GALNT9: variants seen among roughly 807,000 people sequenced by gnomAD.
GALNT9 encodes the protein polypeptide N-acetylgalactosaminyltransferase 9.
GALNT9 carries 47 observed loss-of-function variants against 63.1 expected under a neutral mutation model. That is an observed-to-expected ratio of 0.75 (90% CI 0.59 to 0.95). The LOEUF is 0.95. Ranked by LOEUF, GALNT9 falls within the 40% of genes least tolerant of loss-of-function variation. The pLI, the probability that GALNT9 is intolerant of heterozygous loss-of-function variation, is 0.00. For synonymous variants in GALNT9, 396 were observed against 365.7 expected, an observed-to-expected ratio of 1.08 and a Z score of -0.94; for missense variants, 829 against 874.8, an observed-to-expected ratio of 0.95 and a Z score of 0.66.
chr12:132,199,076 C>T (rs934198423), intron 9 of GALNT9, 98 bp downstream of exon 9: 8 of 778,262 alleles, frequency 1.0e-5, no homozygotes, highest in Non-Finnish European at 1.7e-5. Context: ...CAGAACACCC[C>T]AGCAGGCTGG....
rs1187587795 is a variant in GALNT9, at chr12:132,236,996, G to A, written c.1077+10914C>T. Among the ~76,000 whole-genome samples, 3 of 152,076 alleles carry A rather than the reference G, an allele frequency of 2.0e-5. No homozygotes were observed. The highest frequency in any genetic ancestry group is 3.9e-4 in the East Asian group (2 of 5,194). The stretch of plus-strand genomic sequence containing the variant: ...TAACCCTCGTATCCTGGATCTCTCC[G>A]GGTGCTCCATGGCCCATGGGATTCC... On this transcript the variant is annotated intron_variant, in intron 6 of 10. Transcript: ENST00000328957. The surrounding 1 kb of genome is among the most constrained non-coding windows in gnomAD (Gnocchi z 5.6).
chr12:132,224,610 T>A (rs1877572279), intron 6 of GALNT9, among the ~76,000 whole-genome samples: 6 of 33,208 alleles, frequency 1.8e-4, no homozygotes, highest in South Asian at 9.2e-4. Flanking sequence ...CCCACAAACA[T>A]ACACCCCATA....
intron 1 of GALNT9, among the ~76,000 whole-genome samples, chr12:132,318,851 G>A (rs1433812970): frequency 6.6e-6 from 1 of 152,252 alleles, no homozygotes; most frequent in African/African-American, 2.4e-5. Context: ...GTCCCACAGG[G>A]CACTCCTCCC....
Position 132,272,330 on chromosome 12 carries a change from G to A in GALNT9, c.420-9705C>T, listed in dbSNP as rs28670947. Reference sequence around the variant, plus strand: ...GGCAGGTGCTCCTTGGCATTCTGACGGTGGCTCCACACAGGCCCTCCACGA... The same window carrying A: ...GGCAGGTGCTCCTTGGCATTCTGACAGTGGCTCCACACAGGCCCTCCACGA... On this transcript the variant is annotated intron_variant, in intron 2 of 10. Coordinates refer to ENST00000328957, the MANE Select transcript of GALNT9 (RefSeq NM_001122636.2). 8.4e-3 allele frequency among the ~76,000 whole-genome samples: 1,274 copies of A among 152,306 alleles called. 22 individuals are homozygous for A. The highest frequency in any genetic ancestry group is 0.029 in the African/African-American group (1,218 of 41,544).
At chr12:132,269,137 C>T (rs1437627410) in intron 2 of GALNT9, among the ~76,000 whole-genome samples, 1 of 152,210 alleles carries the variant, frequency 6.6e-6, no homozygotes, top group Non-Finnish European at 1.5e-5. Flanking sequence ...CGCAAAGGCA[C>T]AGAGGGTGGG....
rs190425862 is a variant in GALNT9, at chr12:132,198,747, G to A, written c.1497+427C>T. On this transcript the variant is annotated intron_variant, in intron 9 of 10. Transcript: ENST00000328957. ...TCTCAGCTCAACCTCCGCATCCCAGGCTCAGGTGATCCTCCTGCCTCAGCC... is the reference window on the plus strand; with the variant it reads ...TCTCAGCTCAACCTCCGCATCCCAGACTCAGGTGATCCTCCTGCCTCAGCC... Among the ~76,000 whole-genome samples, 761 of 152,222 alleles carry A rather than the reference G, an allele frequency of 5.0e-3. 7 individuals are homozygous for A. Among genetic ancestry groups the A allele is most frequent in the African/African-American group, 0.017 (725 of 41,526 alleles).
chr12:132,211,801 C>G (rs1175103823), intron 6 of GALNT9, among the ~76,000 whole-genome samples: 3 of 152,250 alleles, frequency 2.0e-5, no homozygotes, highest in Non-Finnish European at 4.4e-5. Context: ...GTCACCCAGC[C>G]AGCACCTGAG....
chr12:132,240,265 C>T (rs139040534), intron 6 of GALNT9, among the ~76,000 whole-genome samples: 1,557 of 152,232 alleles, frequency 0.01, 10 homozygotes, highest in Non-Finnish European at 0.016. Context: ...AGTCAGGCGC[C>T]GCCATCGGGC....
chr12:132,288,077 C>G (rs28551078), intron 1 of GALNT9, among the ~76,000 whole-genome samples: 5,781 of 152,302 alleles, frequency 0.038, 364 homozygotes, highest in African/African-American at 0.13. Flanking sequence ...TATCCCACAA[C>G]TGCCCGCCTG....
chr12:132,247,310 C>G (rs2135534254), intron 6 of GALNT9: 1 of 340,204 alleles, frequency 2.9e-6, no homozygotes, highest in South Asian at 2.2e-5. Flanking sequence ...GGGGGCAATT[C>G]ATAAACAGCA....
chr12:132,241,711 C>A (rs1285534525), intron 6 of GALNT9, among the ~76,000 whole-genome samples: 234 of 9,146 alleles, frequency 0.026, no homozygotes, highest in Non-Finnish European at 0.063. Context: ...CAACACACAC[C>A]CTTCCCGGGG....
intron 1 of GALNT9, among the ~76,000 whole-genome samples, chr12:132,302,819 C>G (rs915884783): frequency 6.6e-6 from 1 of 151,730 alleles, no homozygotes; most frequent in Non-Finnish European, 1.5e-5. Context: ...GGGGACGGGA[C>G]GGGGTGGGAG....
Position 132,303,974 on chromosome 12 carries a change from G to A in GALNT9, c.239-17544C>T, listed in dbSNP as rs181321361. On this transcript the variant is annotated intron_variant, in intron 1 of 10. Transcript: ENST00000328957. ...ACCCTCACCTGGGCACAGCCTCACCGGGGCACACCCTCACCCAGACACAGC... is the reference window on the plus strand; with the variant it reads ...ACCCTCACCTGGGCACAGCCTCACCAGGGCACACCCTCACCCAGACACAGC... 2.1e-4 allele frequency among the ~76,000 whole-genome samples: 2 copies of A among 9,562 alleles called. 1 individual carries two copies. Among genetic ancestry groups the A allele is most frequent in the African/African-American group, 1.0e-3 (2 of 1,992 alleles). The allele number at this position is 9,562 out of a possible 152,430, so 6.3% of individuals were successfully genotyped here. A position where few individuals can be genotyped will look rare whatever the true frequency, so the allele number is the denominator to read the frequency against.
chr12:132,308,395 C>T (rs964376063), intron 1 of GALNT9, among the ~76,000 whole-genome samples: 2 of 152,230 alleles, frequency 1.3e-5, no homozygotes, highest in Non-Finnish European at 2.9e-5. Context: ...AAGCAGACCC[C>T]GAAACACCCT....
intron 5 of GALNT9, among the ~76,000 whole-genome samples, chr12:132,255,780 C>T (rs1011069712): frequency 3.9e-5 from 6 of 152,230 alleles, no homozygotes; most frequent in East Asian, 3.9e-4. Flanking sequence ...GCAGGCTGCA[C>T]GCCTGCACGC....
chr12:132,200,971 G>A (rs527527813), intron 8 of GALNT9, 153 bp downstream of exon 8: 61 of 686,882 alleles, frequency 8.9e-5, no homozygotes, highest in Middle Eastern at 4.1e-4. Flanking sequence ...GAGTCAGGGC[G>A]GAAGGCCTGT....
chr12:132,313,517 TCCACTTACCCACCCAC>T (rs1881894771), intron 1 of GALNT9, among the ~76,000 whole-genome samples: 1 of 45,320 alleles, frequency 2.2e-5, no homozygotes, highest in Non-Finnish European at 4.1e-5. Flanking sequence ...CACCCACCCA[TCCACTTACCCACCCAC>T]CCATCCACCC....
chr12:132,292,265 G>A (rs552830276), intron 1 of GALNT9, among the ~76,000 whole-genome samples: 9 of 152,160 alleles, frequency 5.9e-5, no homozygotes, highest in Admixed American at 2.0e-4. Context: ...CTACCCCAGC[G>A]CCTCATGTGT....
At chr12:132,222,808 G>A (rs1040900588) in intron 6 of GALNT9, among the ~76,000 whole-genome samples, 8 of 150,668 alleles carry the variant, frequency 5.3e-5, no homozygotes, top group African/African-American at 1.5e-4. Context: ...CGCACCCCCC[G>A]CCACACACCA....
Sources: allele counts gnomAD v4.1 joint callset (sites outside exome capture counted in the v4.1 genomes callset), GRCh38; gene constraint gnomAD v4.1.1; non-coding constraint Gnocchi (gnomAD v3.1); transcripts MANE v1.5; gene names NCBI Gene and HGNC (gene_info 2026-07-23, HGNC 2026-07-21).